Variants in DCN observed in about 807,000 individuals in gnomAD.
DCN encodes bone proteoglycan II.
In DCN, 17 loss-of-function variants were observed where a neutral mutation model predicts 36.5. The ratio of observed to expected loss-of-function variants is 0.47; its 90% CI spans 0.32 to 0.70. The LOEUF (loss-of-function observed/expected upper bound fraction) is 0.70, where lower values mean the gene tolerates loss of function less well. Ranked by LOEUF, DCN falls within the 30% of genes least tolerant of loss-of-function variation. DCN has a pLI of 0.04. For missense variants in DCN, 389 were observed against 430.1 expected, an observed-to-expected ratio of 0.90 and a Z score of 0.84; for synonymous variants, 163 against 161.4, an observed-to-expected ratio of 1.01 and a Z score of -0.07.
intron 3 of DCN, among the ~76,000 whole-genome samples, chr12:91,162,389 G>A (rs534339580): frequency 6.6e-6 from 1 of 151,928 alleles, no homozygotes; most frequent in South Asian, 2.1e-4. Context: ...ATAACTAAAT[G>A]GTATCTTCAT....
At chr12:91,146,351 CTTTTT>C (rs376886852) in intron 7 of DCN, 99 bp from the exon 8 acceptor site, 234 of 317,838 alleles carry the variant, frequency 7.4e-4, no homozygotes, top group Middle Eastern at 9.1e-4. Context: ...TAATCCTTCA[CTTTTT>C]TTTTTTTTTT....
rs552800607 is a variant in DCN, at chr12:91,142,928, C to G, written c.*3130G>C. ...CCAGAAGATATGTTCAATATCAAACCCCCAATACCTGTGAGTCTGACTTCA... is the reference window on the plus strand; with the variant it reads ...CCAGAAGATATGTTCAATATCAAACGCCCAATACCTGTGAGTCTGACTTCA... On this transcript the variant is annotated 3_prime_UTR_variant, in exon 8 of 8. Coordinates refer to ENST00000052754, the MANE Select transcript of DCN (RefSeq NM_001920.5). The G allele has an allele frequency of 1.3e-5, 2 of 152,102 alleles. No individual in the cohort carries two copies. Among genetic ancestry groups the G allele is most frequent in the South Asian group, 4.2e-4 (2 of 4,810 alleles). 9.4% of individuals were successfully genotyped at this position (152,102 alleles called of 1,614,324 possible). A position where few individuals can be genotyped will look rare whatever the true frequency, so the allele number is the denominator to read the frequency against.
At chr12:91,175,621 T>A (rs1404523623) in intron 2 of DCN, 3 of 152,126 alleles carry the variant, frequency 2.0e-5, no homozygotes, top group East Asian at 3.8e-4. Context: ...GACAAAGGAC[T>A]TTTGTCCTTC....
At chr12:91,152,949 AT>A in intron 6 of DCN, 146 bp downstream of exon 6, 1 of 630,736 alleles carries the variant, frequency 1.6e-6, no homozygotes, top group Non-Finnish European at 2.9e-6. Flanking sequence ...ATAATTGGAT[AT>A]GCTGAAGTTT....
intron 2 of DCN, among the ~76,000 whole-genome samples, chr12:91,166,805 C>A (rs1369052386): frequency 6.6e-6 from 1 of 152,058 alleles, no homozygotes; most frequent in Non-Finnish European, 1.5e-5. Context: ...CCTCAGGATT[C>A]TAATTCTTGT....
Position 91,143,616 on chromosome 12 carries a change from C to T in DCN, c.*2442G>A, listed in dbSNP as rs568295038. ...TGATCTATAAGTTATATTCTACACT[C>T]GCTAACTGAATTCACACACCAATCC... On this transcript the variant is annotated 3_prime_UTR_variant, in exon 8 of 8. Coordinates refer to ENST00000052754, the MANE Select transcript of DCN (RefSeq NM_001920.5). 2.1e-4 allele frequency: 32 copies of T among 152,144 alleles called. No individual in the cohort carries two copies. Among genetic ancestry groups the T allele is most frequent in the Non-Finnish European group, 2.9e-4 (20 of 68,008 alleles). The allele number at this position is 152,144 out of a possible 1,614,324, so 9.4% of individuals were successfully genotyped here. A position where few individuals can be genotyped will look rare whatever the true frequency, so the allele number is the denominator to read the frequency against.
chr12:91,143,899 TG>T lies in DCN; in HGVS notation c.*2158del, dbSNP rs200251470. On this transcript the variant is annotated 3_prime_UTR_variant, in exon 8 of 8. Coordinates refer to ENST00000052754, the MANE Select transcript of DCN (RefSeq NM_001920.5). ...ATATGTGTGTGTATATATATAAATA[TG>T]GGGGGAAGTTGTGTTGACAAGAGTG... 1,384 of 150,728 alleles carry T rather than the reference TG, an allele frequency of 9.2e-3. 25 individuals are homozygous for T. Among genetic ancestry groups the T allele is most frequent in the African/African-American group, 0.032 (1,325 of 41,208 alleles). The allele number at this position is 150,728 out of a possible 1,614,324, so 9.3% of individuals were successfully genotyped here. A position where few individuals can be genotyped will look rare whatever the true frequency, so the allele number is the denominator to read the frequency against.
At chr12:91,154,206 T>A (rs980544729) in intron 5 of DCN, among the ~76,000 whole-genome samples, 1 of 152,116 alleles carries the variant, frequency 6.6e-6, no homozygotes, top group African/African-American at 2.4e-5. Context: ...TTAGTCCATA[T>A]TTGACTTGAA....
At chr12:91,169,629 G>A (rs956738364) in intron 2 of DCN, 1 of 152,084 alleles carries the variant, frequency 6.6e-6, no homozygotes, top group Non-Finnish European at 1.5e-5. Flanking sequence ...GACACTGGTT[G>A]AAGCTCTGTG....
intron 5 of DCN, among the ~76,000 whole-genome samples, chr12:91,153,712 C>T (rs1881584312): frequency 6.6e-6 from 1 of 151,992 alleles, no homozygotes; most frequent in Admixed American, 6.6e-5. Context: ...CATCAAATAC[C>T]TCTGCAAAAT....
At chr12:91,180,880 T>A (rs182642014) in intron 1 of DCN, 2 of 152,176 alleles carry the variant, frequency 1.3e-5, no homozygotes, top group Non-Finnish European at 2.9e-5. Context: ...ATTTAATAAA[T>A]AGCAACGACA....
Position 91,171,764 on chromosome 12 carries a change from C to T in DCN, c.211+6578G>A, listed in dbSNP as rs909213390. Among the ~76,000 whole-genome samples, 203 of 152,318 alleles carry T rather than the reference C, an allele frequency of 1.3e-3. 1 individual carries two copies. The highest frequency in any genetic ancestry group is 2.8e-4 in the Non-Finnish European group (19 of 68,030). On this transcript the variant is annotated intron_variant, in intron 2 of 7. Transcript: ENST00000052754. ...TCTTAAGATTATAAATCCCGGGTAA[C>T]ATTTGACTACAAATGCAAGAGTGAC...
intron 3 of DCN, among the ~76,000 whole-genome samples, chr12:91,161,312 G>A (rs1437809912): frequency 1.3e-5 from 2 of 151,982 alleles, no homozygotes; most frequent in East Asian, 3.9e-4. Context: ...GGATATAAAG[G>A]GTTTTTTTAA....
At chr12:91,146,357 T>G (rs1881022858) in intron 7 of DCN, 105 bp from the exon 8 acceptor site, 2 of 657,904 alleles carry the variant, frequency 3.0e-6, no homozygotes, top group South Asian at 4.4e-5. Context: ...TTCACTTTTT[T>G]TTTTTTTTTT....
At position 91,178,195 on chromosome 12, in the gene DCN, A is replaced by G. The variant is rs1329976311; in HGVS notation, c.211+147T>C. Reference sequence around the variant, plus strand: ...GAACAACAACGCTACTTTTCTTTCTATCCTGTTCTGCTTCCTTTACTCCTC... The same window carrying G: ...GAACAACAACGCTACTTTTCTTTCTGTCCTGTTCTGCTTCCTTTACTCCTC... On this transcript the variant is annotated intron_variant, in intron 2 of 7. Coordinates refer to ENST00000052754, the MANE Select transcript of DCN (RefSeq NM_001920.5). 4 of 724,514 alleles carry G rather than the reference A, an allele frequency of 5.5e-6. No individual in the cohort carries two copies. In the African/African-American group the frequency reaches 7.0e-5, roughly 13 times the overall value. 44.9% of individuals were successfully genotyped at this position (724,514 alleles called of 1,614,324 possible).
chr12:91,163,870 G>T (rs1244825396), intron 3 of DCN, among the ~76,000 whole-genome samples: 2 of 151,786 alleles, frequency 1.3e-5, no homozygotes, highest in African/African-American at 4.8e-5. Context: ...AAGAAACAAA[G>T]AAATAAAATA....
chr12:91,157,137 TG>T lies in DCN; in HGVS notation c.589del (p.Gln197ArgfsTer3). 1 of 1,613,990 alleles carries T rather than the reference TG, an allele frequency of 6.2e-7. No homozygotes were observed. On this transcript the variant is annotated frameshift_variant, in exon 5 of 8. Transcript: ENST00000052754. LOFTEE classifies it high-confidence loss of function. ...KSSGIENGAF[Q>X]GMKKLSYIRI... ...GATGTAGGAGAGCTTCTTCATTCCC[TG>T]GAAAGCCCCATTTTCAATTCCTGAG...
At chr12:91,148,943 C>T (rs1418068489) in intron 7 of DCN, among the ~76,000 whole-genome samples, 2 of 151,894 alleles carry the variant, frequency 1.3e-5, no homozygotes, top group African/African-American at 2.4e-5. Flanking sequence ...TGTCATTTAC[C>T]ATCCTCTATA....
intron 5 of DCN, among the ~76,000 whole-genome samples, chr12:91,155,587 A>G (rs978479301): frequency 6.6e-6 from 1 of 152,010 alleles, no homozygotes; most frequent in Non-Finnish European, 1.5e-5. Flanking sequence ...TGGCTGCATG[A>G]AATAAATTTC....
Sources: allele counts gnomAD v4.1 joint callset (sites outside exome capture counted in the v4.1 genomes callset), GRCh38; gene constraint gnomAD v4.1.1; transcripts MANE v1.5; gene names NCBI Gene and HGNC (gene_info 2026-07-23, HGNC 2026-07-21).